The following PDE1A variants were observed in gnomAD, a reference collection of about 807,000 sequenced individuals.
PDE1A encodes dual specificity calcium/calmodulin-dependent 3',5'-cyclic nucleotide phosphodiesterase 1A.
PDE1A carries 35 observed loss-of-function variants against 61.7 expected under a neutral mutation model. The ratio of observed to expected loss-of-function variants is 0.57; its 90% CI spans 0.43 to 0.75. The LOEUF (loss-of-function observed/expected upper bound fraction) is 0.75. Ranked by LOEUF, PDE1A falls within the 30% of genes least tolerant of loss-of-function variation. The pLI, the probability that PDE1A is intolerant of heterozygous loss-of-function variation, is 0.00. For synonymous variants in PDE1A, 232 were observed against 213.2 expected, an observed-to-expected ratio of 1.09 and a Z score of -0.77; for missense variants, 597 against 630.6, an observed-to-expected ratio of 0.95 and a Z score of 0.57.
chr2:182,312,616 T>A (rs1472886065), intron 1 of PDE1A, among the ~76,000 whole-genome samples: 1 of 152,200 alleles, frequency 6.6e-6, no homozygotes, highest in Non-Finnish European at 1.5e-5. Flanking sequence ...AGATTGTCCA[T>A]ATATATGTGG....
chr2:182,648,511 C>CAA, the PDE1A span, among the ~76,000 whole-genome samples: 79 of 76,184 alleles, frequency 1.0e-3, no homozygotes, highest in African/African-American at 2.8e-3. Context: ...CCTGTCCCCA[C>CAA]AAAAAAAAAA....
intron 1 of PDE1A, among the ~76,000 whole-genome samples, chr2:182,359,307 C>T (rs2125153776): frequency 6.6e-6 from 1 of 152,238 alleles, no homozygotes; most frequent in South Asian, 2.1e-4. Flanking sequence ...TGGATAGTCT[C>T]TTAAAAAGCA....
At chr2:182,198,543 A>G (rs1686332479) in intron 10 of PDE1A, among the ~76,000 whole-genome samples, 1 of 151,842 alleles carries the variant, frequency 6.6e-6, no homozygotes, top group South Asian at 2.1e-4. Flanking sequence ...TTTTATAATT[A>G]ATGTCTGTCG....
the PDE1A span, among the ~76,000 whole-genome samples, chr2:182,678,053 A>G: frequency 0.11 from 17,011 of 152,336 alleles, 1,162 homozygotes; most frequent in Middle Eastern, 0.27. Flanking sequence ...TTTAAAGGCA[A>G]GAATGAGAGA....
At chr2:182,598,162 T>C in the PDE1A span, among the ~76,000 whole-genome samples, 3 of 152,198 alleles carry the variant, frequency 2.0e-5, no homozygotes, top group African/African-American at 7.2e-5. Context: ...GAAATTAAAA[T>C]GGGAGTTTAA....
intron 2 of PDE1A, among the ~76,000 whole-genome samples, chr2:182,463,217 T>C (rs1420397715): frequency 6.6e-6 from 1 of 151,604 alleles, no homozygotes; most frequent in Admixed American, 6.6e-5. Flanking sequence ...CCAGCCTGGG[T>C]GACAAAGCGA....
chr2:182,575,500 T>C, the PDE1A span, among the ~76,000 whole-genome samples: 1 of 151,684 alleles, frequency 6.6e-6, no homozygotes, highest in African/African-American at 2.4e-5. Context: ...CTAAGACCTC[T>C]AGGCCAGCAG....
chr2:182,561,270 A>G, the PDE1A span, among the ~76,000 whole-genome samples: 1 of 152,200 alleles, frequency 6.6e-6, no homozygotes. Context: ...AGCTTTCCAC[A>G]TATGGGTAGC....
At chr2:182,691,229 C>T in the PDE1A span, among the ~76,000 whole-genome samples, 1 of 152,156 alleles carries the variant, frequency 6.6e-6, no homozygotes, top group Non-Finnish European at 1.5e-5. Context: ...CAAGTCAATC[C>T]TAAGCCAAAA....
the PDE1A span, among the ~76,000 whole-genome samples, chr2:182,649,927 A>T: frequency 2.6e-5 from 4 of 152,012 alleles, no homozygotes; most frequent in South Asian, 2.1e-4. Flanking sequence ...ATTTTTTTTT[A>T]AATTAGCCAG....
At chr2:182,260,263 T>G (rs1413291695) in intron 2 of PDE1A, among the ~76,000 whole-genome samples, 2 of 152,206 alleles carry the variant, frequency 1.3e-5, no homozygotes, top group African/African-American at 4.8e-5. Flanking sequence ...AATACCTCTC[T>G]GGAATACTCA....
the PDE1A span, among the ~76,000 whole-genome samples, chr2:182,670,623 CCT>C: frequency 2.0e-5 from 3 of 152,106 alleles, no homozygotes; most frequent in African/African-American, 7.2e-5. Flanking sequence ...GGTGCCGAAG[CCT>C]CTTTTTAACA....
At chr2:182,630,583 G>A in the PDE1A span, among the ~76,000 whole-genome samples, 1 of 151,296 alleles carries the variant, frequency 6.6e-6, no homozygotes, top group South Asian at 2.1e-4. Flanking sequence ...CCTGATTTCA[G>A]CCATTTATTC....
intron 2 of PDE1A, among the ~76,000 whole-genome samples, chr2:182,516,888 A>G (rs1182017057): frequency 6.7e-6 from 1 of 148,806 alleles, no homozygotes; most frequent in East Asian, 2.0e-4. Flanking sequence ...TTGTGATTAC[A>G]TTAGGCTCAC....
intron 7 of PDE1A, among the ~76,000 whole-genome samples, chr2:182,208,680 G>A (rs1687320544): frequency 6.6e-6 from 1 of 152,190 alleles, no homozygotes; most frequent in Admixed American, 6.5e-5. Context: ...CAGAGGTGGA[G>A]TGCCCAAGGC....
chr2:182,389,755 G>A (rs1267065120), intron 1 of PDE1A, among the ~76,000 whole-genome samples: 1 of 152,072 alleles, frequency 6.6e-6, no homozygotes, highest in African/African-American at 2.4e-5. Flanking sequence ...ATTGGGAGAG[G>A]TAGACTCACC....
At chr2:182,311,292 A>G (rs1160310226) in intron 1 of PDE1A, among the ~76,000 whole-genome samples, 1 of 152,234 alleles carries the variant, frequency 6.6e-6, no homozygotes, top group Non-Finnish European at 1.5e-5. Context: ...AGTTTTCTCT[A>G]CTATTAATCA....
At chr2:182,168,020 G>A in exon 14 of PDE1A, 2 of 1,236,216 alleles carry the variant, frequency 1.6e-6, no homozygotes, top group Non-Finnish European at 2.0e-6. Context: ...AGCACAAGGT[G>A]CTGATGTAGC....
At chr2:182,423,393 G>A (rs145137714) in intron 1 of PDE1A, among the ~76,000 whole-genome samples, 5 of 152,144 alleles carry the variant, frequency 3.3e-5, no homozygotes, top group Admixed American at 6.5e-5. Context: ...TAAATGATAC[G>A]TAAGATTCCT....
Sources: gnomAD v4.1 joint callset for allele counts (sites outside exome capture counted in the v4.1 genomes callset) on GRCh38, gnomAD v4.1.1 for gene constraint, MANE v1.5 for transcripts, NCBI Gene and HGNC (gene_info 2026-07-23, HGNC 2026-07-21) for gene names.